The following LRRC4C variants were observed in gnomAD, a reference collection of about 807,000 sequenced individuals.
LRRC4C encodes the protein leucine rich repeat containing 4C.
In LRRC4C, 5 loss-of-function variants were observed where a neutral mutation model predicts 33.6. The ratio of observed to expected loss-of-function variants is 0.15; its 90% CI spans 0.08 to 0.31. The LOEUF is 0.31. Among genes scored for constraint, LRRC4C ranks in the 10% least tolerant of loss-of-function variants. LRRC4C has a pLI of 1.00. For missense variants in LRRC4C, 560 were observed against 796.7 expected, an observed-to-expected ratio of 0.70 and a Z score of 3.58; for synonymous variants, 329 against 302.0, an observed-to-expected ratio of 1.09 and a Z score of -0.93.
chr11:41,040,117 A>C (rs941306029), intron 1 of LRRC4C, among the ~76,000 whole-genome samples: 2 of 146,428 alleles, frequency 1.4e-5, no homozygotes, highest in Non-Finnish European at 3.0e-5. Flanking sequence ...CAGCCTGGGC[A>C]ACAGAGTGAG....
chr11:41,380,163 A>C (rs1953089741), intron 1 of LRRC4C, among the ~76,000 whole-genome samples: 1 of 152,176 alleles, frequency 6.6e-6, no homozygotes, highest in Non-Finnish European at 1.5e-5. Flanking sequence ...TTTTATTTAA[A>C]ATTTGAGCCC....
chr11:40,258,436 C>CAT (rs1331551767), intron 4 of LRRC4C, among the ~76,000 whole-genome samples: 2 of 152,152 alleles, frequency 1.3e-5, no homozygotes, highest in African/African-American at 4.8e-5. Flanking sequence ...ATTGCACTAA[C>CAT]ATATATAATT....
At chr11:40,739,782 G>C (rs1948073660) in intron 2 of LRRC4C, among the ~76,000 whole-genome samples, 1 of 151,880 alleles carries the variant, frequency 6.6e-6, no homozygotes, top group African/African-American at 2.4e-5. Context: ...TGCCATCATT[G>C]TAAGTTTCCT....
intron 1 of LRRC4C, among the ~76,000 whole-genome samples, chr11:41,344,049 T>A (rs1951721280): frequency 6.6e-6 from 1 of 152,132 alleles, no homozygotes; most frequent in South Asian, 2.1e-4. Context: ...TCCTCTGATG[T>A]GCAACAAATG....
At chr11:41,442,683 A>C (rs1016413045) in intron 1 of LRRC4C, among the ~76,000 whole-genome samples, 1 of 151,806 alleles carries the variant, frequency 6.6e-6, no homozygotes, top group Admixed American at 6.5e-5. Context: ...GTTAGCCAGG[A>C]TGGTCTCGAT....
intron 1 of LRRC4C, among the ~76,000 whole-genome samples, chr11:41,190,986 T>C (rs1362539096): frequency 3.3e-5 from 5 of 152,322 alleles, no homozygotes; most frequent in African/African-American, 4.8e-5. Flanking sequence ...TAGCATCAGC[T>C]GGCCTTGGCT....
intron 5 of LRRC4C, among the ~76,000 whole-genome samples, chr11:40,238,956 C>A (rs949784388): frequency 6.6e-6 from 1 of 152,108 alleles, no homozygotes; most frequent in South Asian, 2.1e-4. Context: ...GTAACAGTCC[C>A]ATACAAGACC....
At chr11:40,238,945 G>C (rs1452473) in intron 5 of LRRC4C, among the ~76,000 whole-genome samples, 1 of 152,040 alleles carries the variant, frequency 6.6e-6, no homozygotes, top group Non-Finnish European at 1.5e-5. Flanking sequence ...ATCCATTATC[G>C]GTAACAGTCC....
chr11:41,284,693 A>G (rs1949769783), intron 1 of LRRC4C, among the ~76,000 whole-genome samples: 1 of 152,204 alleles, frequency 6.6e-6, no homozygotes, highest in Non-Finnish European at 1.5e-5. Context: ...ATCAGTCAAT[A>G]AAGAAGAGAA....
intron 2 of LRRC4C, among the ~76,000 whole-genome samples, chr11:40,774,005 C>T (rs1190128493): frequency 6.6e-6 from 1 of 152,116 alleles, no homozygotes; most frequent in African/African-American, 2.4e-5. Context: ...CAAGCAATCA[C>T]TCTGATTCTC....
chr11:40,707,093 A>C (rs989821933), intron 2 of LRRC4C, among the ~76,000 whole-genome samples: 1 of 152,248 alleles, frequency 6.6e-6, no homozygotes, highest in African/African-American at 2.4e-5. Context: ...GTTGCTTATC[A>C]TCTTAAGGAG....
At chr11:40,787,764 A>C (rs1431747929) in intron 2 of LRRC4C, among the ~76,000 whole-genome samples, 1 of 152,206 alleles carries the variant, frequency 6.6e-6, no homozygotes, top group East Asian at 1.9e-4. Flanking sequence ...GGCAACAGGG[A>C]TTGGAGCTAG....
chr11:40,532,905 A>C (rs1219733042), intron 3 of LRRC4C, among the ~76,000 whole-genome samples: 1 of 152,106 alleles, frequency 6.6e-6, no homozygotes, highest in Non-Finnish European at 1.5e-5. Context: ...AAGGAAAAGC[A>C]AGGCACCTTC....
intron 2 of LRRC4C, among the ~76,000 whole-genome samples, chr11:40,914,119 C>A (rs576273723): frequency 1.3e-5 from 2 of 152,210 alleles, no homozygotes; most frequent in South Asian, 2.1e-4. Flanking sequence ...ACCAGAAGTA[C>A]AAGGAGCAGT....
At chr11:41,185,417 A>G (rs1945648989) in intron 1 of LRRC4C, among the ~76,000 whole-genome samples, 1 of 152,232 alleles carries the variant, frequency 6.6e-6, no homozygotes, top group African/African-American at 2.4e-5. Context: ...GAAAGGAGAG[A>G]AAGAATGGAT....
At chr11:41,367,580 G>A (rs942034024) in intron 1 of LRRC4C, among the ~76,000 whole-genome samples, 6 of 152,234 alleles carry the variant, frequency 3.9e-5, no homozygotes, top group South Asian at 4.2e-4. Flanking sequence ...TTTTTCACAC[G>A]TAAAATTGGA....
chr11:40,168,234 G>T (rs954453068), intron 5 of LRRC4C, among the ~76,000 whole-genome samples: 5 of 152,148 alleles, frequency 3.3e-5, no homozygotes, highest in Non-Finnish European at 2.9e-5. Flanking sequence ...GTGGAAGAAG[G>T]TCTGTTCAGA....
intron 3 of LRRC4C, among the ~76,000 whole-genome samples, chr11:40,524,479 A>C (rs1955955813): frequency 6.6e-6 from 1 of 152,320 alleles, no homozygotes; most frequent in South Asian, 2.1e-4. Context: ...CTTTAGTATA[A>C]AATTGCTAAA....
chr11:40,627,337 G>A (rs909423071), intron 3 of LRRC4C, among the ~76,000 whole-genome samples: 5 of 152,088 alleles, frequency 3.3e-5, no homozygotes, highest in Non-Finnish European at 5.9e-5. Flanking sequence ...AGGAAATAGC[G>A]AATGTTGAAA....
Sources: gnomAD v4.1 joint callset for allele counts (sites outside exome capture counted in the v4.1 genomes callset) on GRCh38, gnomAD v4.1.1 for gene constraint, MANE v1.5 for transcripts, NCBI Gene and HGNC (gene_info 2026-07-23, HGNC 2026-07-21) for gene names.